DGKB: variants seen among roughly 807,000 people sequenced by gnomAD.
DGKB encodes the protein 90 kDa diacylglycerol kinase.
In DGKB, 67 loss-of-function variants were observed where a neutral mutation model predicts 114.3. The ratio of observed to expected loss-of-function variants is 0.59; its 90% CI spans 0.48 to 0.72. The LOEUF is 0.72. Among genes scored for constraint, DGKB ranks in the 30% least tolerant of loss-of-function variants. The pLI, the probability that DGKB is intolerant of heterozygous loss-of-function variation, is 0.00. For synonymous variants in DGKB, 398 were observed against 323.1 expected, an observed-to-expected ratio of 1.23 and a Z score of -2.49; for missense variants, 907 against 975.2, an observed-to-expected ratio of 0.93 and a Z score of 0.93.
chr7:14,462,253 C>T (rs557667724), intron 21 of DGKB, among the ~76,000 whole-genome samples: 33 of 150,886 alleles, frequency 2.2e-4, no homozygotes, highest in African/African-American at 6.6e-4. Context: ...AAGTTCTGGC[C>T]AGGGCAATCA....
At chr7:14,827,973 T>C (rs1845921629) in intron 2 of DGKB, among the ~76,000 whole-genome samples, 1 of 152,064 alleles carries the variant, frequency 6.6e-6, no homozygotes, top group Non-Finnish European at 1.5e-5. Context: ...AGGTGGCTTA[T>C]GGAGGAAAAT....
intron 20 of DGKB, among the ~76,000 whole-genome samples, chr7:14,535,158 A>T (rs150858490): frequency 1.3e-5 from 2 of 152,068 alleles, no homozygotes; most frequent in African/African-American, 4.8e-5. Flanking sequence ...TTGTTAAGAC[A>T]AGGAGTTCAA....
In DGKB at chr7:14,748,852, A is replaced by G. The variant is rs201026022; in HGVS notation, c.168+5076T>C. Reference sequence around the variant, plus strand: ...GACTCCTAAAACACAAAAATGAATCATTCAACTATTATAGATAAAGCAACT... The same window carrying G: ...GACTCCTAAAACACAAAAATGAATCGTTCAACTATTATAGATAAAGCAACT... On this transcript the variant is annotated intron_variant, in intron 4 of 25. Coordinates refer to ENST00000402815, the MANE Select transcript of DGKB (RefSeq NM_001350709.2). Among the ~76,000 whole-genome samples, 12 of 152,216 alleles carry G rather than the reference A, an allele frequency of 7.9e-5. No homozygotes were observed. The East Asian group carries it at 2.1e-3, about 27-fold the overall frequency.
At chr7:14,466,941 G>A (rs989505364) in intron 21 of DGKB, among the ~76,000 whole-genome samples, 36 of 152,276 alleles carry the variant, frequency 2.4e-4, no homozygotes, top group African/African-American at 7.9e-4. Context: ...TATCTAGGGA[G>A]TGATGTGGAG....
chr7:14,234,896 T>C (rs1792527963), intron 23 of DGKB, among the ~76,000 whole-genome samples: 1 of 152,122 alleles, frequency 6.6e-6, no homozygotes, highest in South Asian at 2.1e-4. Context: ...ATTGTCATAA[T>C]TGCTAGAAAG....
chr7:14,183,565 C>T (rs1782952282), intron 23 of DGKB, among the ~76,000 whole-genome samples: 1 of 152,128 alleles, frequency 6.6e-6, no homozygotes, highest in Non-Finnish European at 1.5e-5. Context: ...TGAGCAGGCT[C>T]CCTGCTAAGG....
intron 23 of DGKB, among the ~76,000 whole-genome samples, chr7:14,200,633 T>A (rs1785718302): frequency 6.6e-6 from 1 of 152,048 alleles, no homozygotes; most frequent in Non-Finnish European, 1.5e-5. Context: ...ATTTACCTCA[T>A]CCAACAAAGT....
At chr7:14,497,306 C>G (rs537591311) in intron 20 of DGKB, among the ~76,000 whole-genome samples, 13 of 151,344 alleles carry the variant, frequency 8.6e-5, no homozygotes, top group Non-Finnish European at 1.8e-4. Context: ...ACCCACATAA[C>G]GAAAAACTAC....
At chr7:14,478,072 G>C in intron 21 of DGKB, 89 bp downstream of exon 21, 1 of 800,236 alleles carries the variant, frequency 1.2e-6, no homozygotes, top group South Asian at 1.8e-5. Flanking sequence ...AAAGCCAGTA[G>C]ATTATAAAAT....
chr7:14,890,520 C>G (rs1398141286), intron 1 of DGKB, among the ~76,000 whole-genome samples: 1 of 151,368 alleles, frequency 6.6e-6, no homozygotes, highest in Non-Finnish European at 1.5e-5. Context: ...AGTGACCACC[C>G]ACTCCTGAAC....
At position 14,443,034 on chromosome 7, in the gene DGKB, C is replaced by T. The variant is rs574304806; in HGVS notation, c.1835+35127G>A. 2.6e-4 allele frequency among the ~76,000 whole-genome samples: 39 copies of T among 152,244 alleles called. No individual in the cohort carries two copies. The South Asian group carries it at 7.5e-3, about 29-fold the overall frequency. On this transcript the variant is annotated intron_variant, in intron 21 of 25. Transcript: ENST00000402815. ...CTTACATAAATTTTATAAATCCAAA[C>T]TGCCAATCTTGTTTTATAATTGTTT... is the stretch of plus-strand genomic sequence containing the variant.
At chr7:14,689,553 G>C (rs1362646549) in intron 9 of DGKB, among the ~76,000 whole-genome samples, 1 of 152,114 alleles carries the variant, frequency 6.6e-6, no homozygotes, top group Non-Finnish European at 1.5e-5. Flanking sequence ...AATTCTGAGT[G>C]GAGCTGTCAT....
intron 1 of DGKB, among the ~76,000 whole-genome samples, chr7:14,921,181 A>C (rs1332086169): frequency 6.6e-6 from 1 of 152,078 alleles, no homozygotes. Flanking sequence ...GGGAGAGGGG[A>C]AGTGGTGAGT....
In DGKB at chr7:14,528,911, C is replaced by T. The variant is rs562138041; in HGVS notation, c.1770+45301G>A. Among the ~76,000 whole-genome samples, 10 of 151,870 alleles carry T rather than the reference C, an allele frequency of 6.6e-5. No individual in the cohort carries two copies. In the South Asian group the frequency reaches 8.3e-4, roughly 13 times the overall value. ...TGTGATATGACAAATAACTTGGGCA[C>T]GGACAGATAAAAGGAAGGTCAAAAA... On this transcript the variant is annotated intron_variant, in intron 20 of 25. Transcript: ENST00000402815.
intron 1 of DGKB, among the ~76,000 whole-genome samples, chr7:14,924,323 G>A (rs1461179378): frequency 1.3e-5 from 2 of 152,184 alleles, no homozygotes; most frequent in African/African-American, 4.8e-5. Flanking sequence ...TTTCCTAGAA[G>A]GCAAATTCTA....
chr7:14,353,572 T>C (rs1813889522), intron 21 of DGKB, among the ~76,000 whole-genome samples: 2 of 152,142 alleles, frequency 1.3e-5, no homozygotes, highest in South Asian at 4.1e-4. Context: ...CTTGAAATAG[T>C]CTCTGAATTT....
intron 6 of DGKB, among the ~76,000 whole-genome samples, chr7:14,703,476 A>AGAAAAT (rs1477898775): frequency 6.6e-6 from 1 of 152,224 alleles, no homozygotes; most frequent in African/African-American, 2.4e-5. Context: ...GAAGAGCATT[A>AGAAAAT]GAAAATGAAA....
intron 2 of DGKB, among the ~76,000 whole-genome samples, chr7:14,769,127 G>GAA (rs1253652417): frequency 0.038 from 2,392 of 63,362 alleles, 49 homozygotes; most frequent in East Asian, 0.092. Context: ...GAAAGAAAGA[G>GAA]AGAGAGAGAA....
intron 13 of DGKB, among the ~76,000 whole-genome samples, chr7:14,652,839 C>G (rs1020479677): frequency 3.9e-4 from 60 of 152,092 alleles, no homozygotes; most frequent in Non-Finnish European, 6.6e-4. Flanking sequence ...AAAAAGTGGG[C>G]AAAGTATATG....
Sources: gnomAD v4.1 joint callset for allele counts (sites outside exome capture counted in the v4.1 genomes callset) on GRCh38, gnomAD v4.1.1 for gene constraint, MANE v1.5 for transcripts, NCBI Gene and HGNC (gene_info 2026-07-23, HGNC 2026-07-21) for gene names.